Variants in WDPCP observed in about 807,000 individuals in gnomAD.
WDPCP encodes WD repeat-containing and planar cell polarity effector protein fritz homolog.
WDPCP carries 71 observed loss-of-function variants against 93.1 expected under a neutral mutation model. That is an observed-to-expected ratio of 0.76 (90% CI 0.63 to 0.93). WDPCP has a LOEUF of 0.93. WDPCP is among the 40% of genes least tolerant of loss of function. The pLI is 0.00. For missense variants in WDPCP, 844 were observed against 887.4 expected (o/e 0.95, Z 0.62); for synonymous variants, 315 against 315.0 (o/e 1.00, Z 0.00).
At chr2:63,405,021 A>G (rs942460332) in intron 9 of WDPCP, among the ~76,000 whole-genome samples, 1 of 152,216 alleles carries the variant, frequency 6.6e-6, no homozygotes, top group South Asian at 2.1e-4. Context: ...GTAATATCAT[A>G]TGGTTAGCAG....
chr2:63,313,122 A>G, intron 13 of WDPCP, 126 bp downstream of exon 13: 1 of 833,586 alleles, frequency 1.2e-6, no homozygotes, highest in Non-Finnish European at 2.0e-6. Context: ...GCAAGTCAAG[A>G]TGGAATAATG....
intron 3 of WDPCP, chr2:63,597,377 G>C: frequency 7.4e-7 from 1 of 1,344,594 alleles, no homozygotes; most frequent in South Asian, 2.5e-5. Flanking sequence ...GTAGCTCTGC[G>C]TATTTATTGC....
At chr2:63,567,588 C>G (rs1382647922) in intron 1 of WDPCP, among the ~76,000 whole-genome samples, 1 of 152,178 alleles carries the variant, frequency 6.6e-6, no homozygotes, top group Non-Finnish European at 1.5e-5. Flanking sequence ...CACTTTTCCC[C>G]CTACTTAGCT....
At chr2:63,460,231 C>A (rs1334037635) in intron 6 of WDPCP, among the ~76,000 whole-genome samples, 2 of 151,908 alleles carry the variant, frequency 1.3e-5, no homozygotes, top group Non-Finnish European at 2.9e-5. Flanking sequence ...ATAAGCCAGG[C>A]ACAGAAAGAC....
At chr2:63,552,087 TGG>T (rs1705708064) in intron 1 of WDPCP, among the ~76,000 whole-genome samples, 1 of 14,396 alleles carries the variant, frequency 6.9e-5, no homozygotes, top group Non-Finnish European at 1.1e-4. Flanking sequence ...CCACCACACT[TGG>T]CCCTGCTTTC....
chr2:63,569,825 G>A (rs1036240390), intron 1 of WDPCP, among the ~76,000 whole-genome samples: 3 of 152,148 alleles, frequency 2.0e-5, no homozygotes, highest in African/African-American at 7.2e-5. Flanking sequence ...TTACTTAGAA[G>A]CCCTCAGAAA....
At chr2:63,553,216 G>T (rs1705815523) in intron 1 of WDPCP, among the ~76,000 whole-genome samples, 1 of 152,162 alleles carries the variant, frequency 6.6e-6, no homozygotes, top group African/African-American at 2.4e-5. Flanking sequence ...TTACAAATGA[G>T]TAATGTGAAC....
At chr2:63,606,753 G>T in intron 3 of WDPCP, 2 of 630,178 alleles carry the variant, frequency 3.2e-6, no homozygotes, top group Non-Finnish European at 2.4e-6. Context: ...ATTTACTTTA[G>T]AATCAGACTT....
intron 12 of WDPCP, among the ~76,000 whole-genome samples, chr2:63,360,608 G>A (rs989357418): frequency 4.6e-5 from 7 of 152,104 alleles, no homozygotes; most frequent in South Asian, 2.1e-4. Flanking sequence ...ACTTAGCGGC[G>A]TCTCAGTAGT....
intron 11 of WDPCP, among the ~76,000 whole-genome samples, chr2:63,380,017 A>G (rs1383090095): frequency 1.3e-5 from 2 of 152,186 alleles, no homozygotes; most frequent in African/African-American, 2.4e-5. Flanking sequence ...TAAGGCAAGA[A>G]TCTGATAATG....
intron 13 of WDPCP, among the ~76,000 whole-genome samples, chr2:63,292,295 T>C (rs769815559): frequency 3.3e-5 from 5 of 151,922 alleles, no homozygotes; most frequent in Non-Finnish European, 5.9e-5. Context: ...AATTATCAGG[T>C]TGAGGGTCAT....
At chr2:63,538,962 C>T (rs945479469) in intron 1 of WDPCP, among the ~76,000 whole-genome samples, 1 of 152,092 alleles carries the variant, frequency 6.6e-6, no homozygotes, top group African/African-American at 2.4e-5. Context: ...CAATATAACA[C>T]CAGTCATTAA....
chr2:63,725,979 C>A (rs994836706), intron 2 of WDPCP, among the ~76,000 whole-genome samples: 1 of 152,088 alleles, frequency 6.6e-6, no homozygotes, highest in Non-Finnish European at 1.5e-5. Context: ...TATTTTCTCC[C>A]ATTCTGTAAA....
intron 13 of WDPCP, among the ~76,000 whole-genome samples, chr2:63,298,673 T>C (rs895335812): frequency 3.3e-5 from 5 of 152,124 alleles, no homozygotes; most frequent in African/African-American, 1.2e-4. Context: ...TTGACTTCCT[T>C]ACTTTTGAGG....
At chr2:63,156,475 C>G (rs965530313) in intron 15 of WDPCP, among the ~76,000 whole-genome samples, 2 of 152,098 alleles carry the variant, frequency 1.3e-5, no homozygotes, top group Admixed American at 1.3e-4. Flanking sequence ...GTGGCTCATG[C>G]CTGTAATCCC....
intron 13 of WDPCP, among the ~76,000 whole-genome samples, chr2:63,264,642 C>T (rs918579322): frequency 6.6e-6 from 1 of 152,160 alleles, no homozygotes; most frequent in African/African-American, 2.4e-5. Context: ...TAGTAGACTT[C>T]ATTACCCCCA....
intron 10 of WDPCP, among the ~76,000 whole-genome samples, chr2:63,396,830 A>G (rs1207111137): frequency 6.6e-6 from 1 of 152,036 alleles, no homozygotes; most frequent in African/African-American, 2.4e-5. Context: ...TCCACCCTCA[A>G]GTAGACCCCA....
chr2:63,613,901 T>A (rs970114313), intron 3 of WDPCP, among the ~76,000 whole-genome samples: 2 of 152,186 alleles, frequency 1.3e-5, no homozygotes, highest in Non-Finnish European at 2.9e-5. Flanking sequence ...TCCCTAGGAA[T>A]CTCATCAAAT....
intron 14 of WDPCP, chr2:63,233,065 C>G (rs144955432): frequency 6.5e-6 from 1 of 154,812 alleles, no homozygotes; most frequent in African/African-American, 2.4e-5. Context: ...TCGTTCAAGC[C>G]AAAGGAGCTA....
Sources: allele counts gnomAD v4.1 joint callset (sites outside exome capture counted in the v4.1 genomes callset), GRCh38; gene constraint gnomAD v4.1.1; transcripts MANE v1.5; gene names NCBI Gene and HGNC (gene_info 2026-07-23, HGNC 2026-07-21).